The following OPCML variants were observed in gnomAD, a reference collection of about 807,000 sequenced individuals.
OPCML encodes the protein opioid binding protein/cell adhesion molecule like.
In OPCML, 13 loss-of-function variants were observed where a neutral mutation model predicts 37.8. The ratio of observed to expected loss-of-function variants is 0.34; its 90% confidence interval spans 0.22 to 0.55. The LOEUF is 0.55. Among genes scored for constraint, OPCML ranks in the 20% least tolerant of loss-of-function variants. OPCML has a pLI of 0.91. For missense variants in OPCML, 341 were observed against 435.6 expected, an observed-to-expected ratio of 0.78 and a Z score of 1.93; for synonymous variants, 176 against 168.8, an observed-to-expected ratio of 1.04 and a Z score of -0.33.
intron 1 of OPCML, among the ~76,000 whole-genome samples, chr11:132,981,819 GA>G (rs1458720451): frequency 6.6e-6 from 1 of 152,136 alleles, no homozygotes; most frequent in Non-Finnish European, 1.5e-5. Flanking sequence ...ACAGAATGAA[GA>G]AACAAATGGA....
At chr11:132,568,855 G>T (rs1367913014) in intron 3 of OPCML, among the ~76,000 whole-genome samples, 2 of 152,170 alleles carry the variant, frequency 1.3e-5, no homozygotes, top group Non-Finnish European at 2.9e-5. Flanking sequence ...TACAAAAATT[G>T]TATGTTCCTT....
rs182165576 is a variant in OPCML, at chr11:133,328,227, G to A, written c.61+204037C>T. Among the ~76,000 whole-genome samples, 508 of 148,802 alleles carry A rather than the reference G, an allele frequency of 3.4e-3. 4 individuals carry two copies. The highest frequency in any genetic ancestry group is 0.012 in the African/African-American group (487 of 40,060). On this transcript the variant is annotated intron_variant, in intron 1 of 7. Coordinates refer to ENST00000524381, the MANE Select transcript of OPCML (RefSeq NM_001012393.5). ...GGCTGGAGTGCAGTGACATGATCTC[G>A]GCTCACTGCAACCTCCGCCTTCCAA...
At chr11:133,230,319 G>A (rs1391382357) in intron 1 of OPCML, among the ~76,000 whole-genome samples, 2 of 152,206 alleles carry the variant, frequency 1.3e-5, no homozygotes, top group Non-Finnish European at 2.9e-5. Flanking sequence ...CAAATGCTAA[G>A]TGACAGCCTT....
intron 1 of OPCML, among the ~76,000 whole-genome samples, chr11:133,192,392 A>C (rs1938360681): frequency 6.6e-6 from 1 of 152,208 alleles, no homozygotes; most frequent in African/African-American, 2.4e-5. Flanking sequence ...CTGGAAGAGA[A>C]ACAGATCTAA....
At chr11:132,911,537 T>C (rs1484333018) in intron 2 of OPCML, among the ~76,000 whole-genome samples, 4 of 152,218 alleles carry the variant, frequency 2.6e-5, no homozygotes, top group African/African-American at 7.2e-5. Flanking sequence ...TGACATGTTA[T>C]GCGAAAGAAA....
At chr11:132,661,688 C>A (rs1213295685) in intron 2 of OPCML, among the ~76,000 whole-genome samples, 2 of 152,206 alleles carry the variant, frequency 1.3e-5, no homozygotes, top group Non-Finnish European at 2.9e-5. Flanking sequence ...TTCTTACATT[C>A]CAAGCTAACC....
intron 1 of OPCML, among the ~76,000 whole-genome samples, chr11:133,259,844 T>C (rs1032123051): frequency 6.6e-6 from 1 of 152,144 alleles, no homozygotes; most frequent in African/African-American, 2.4e-5. Context: ...TCAATAGATA[T>C]TTACTAAGCA....
intron 1 of OPCML, among the ~76,000 whole-genome samples, chr11:133,140,901 CGACGACGAAGAA>C (rs1949789177): frequency 3.3e-4 from 1 of 3,060 alleles, no homozygotes; most frequent in Non-Finnish European, 2.0e-3. Context: ...ACGAAGACGA[CGACGACGAAGAA>C]GAAGAAGACG....
chr11:133,209,450 G>A (rs1462450683), intron 1 of OPCML, among the ~76,000 whole-genome samples: 1 of 152,138 alleles, frequency 6.6e-6, no homozygotes, highest in Non-Finnish European at 1.5e-5. Flanking sequence ...TGTAGATATG[G>A]CACACCCATC....
chr11:132,827,435 T>C (rs1032457944), intron 2 of OPCML, among the ~76,000 whole-genome samples: 14 of 152,124 alleles, frequency 9.2e-5, no homozygotes, highest in African/African-American at 3.4e-4. Flanking sequence ...TATGGAACAA[T>C]AGGAACTCTC....
chr11:132,581,108 G>C (rs1263389157), intron 3 of OPCML, among the ~76,000 whole-genome samples: 1 of 152,134 alleles, frequency 6.6e-6, no homozygotes, highest in Non-Finnish European at 1.5e-5. Context: ...AAAGTAGCTA[G>C]AGGCAACCAA....
chr11:132,866,616 T>C (rs1413228707), intron 2 of OPCML, among the ~76,000 whole-genome samples: 1 of 152,252 alleles, frequency 6.6e-6, no homozygotes, highest in Non-Finnish European at 1.5e-5. Context: ...TTTTTCACTG[T>C]GGATGTTCCT....
intron 3 of OPCML, among the ~76,000 whole-genome samples, chr11:132,621,049 C>T (rs1268733857): frequency 6.6e-6 from 1 of 152,226 alleles, no homozygotes; most frequent in African/African-American, 2.4e-5. Flanking sequence ...ATGTAGGACA[C>T]GTGTGACACA....
chr11:133,076,819 C>T (rs1361184773), intron 1 of OPCML, among the ~76,000 whole-genome samples: 1 of 152,098 alleles, frequency 6.6e-6, no homozygotes, highest in Non-Finnish European at 1.5e-5. Context: ...ACCTCCTGAC[C>T]CCACTAGGAA....
intron 3 of OPCML, among the ~76,000 whole-genome samples, chr11:132,629,789 G>A (rs1331379033): frequency 6.6e-6 from 1 of 151,996 alleles, no homozygotes; most frequent in Non-Finnish European, 1.5e-5. Context: ...ATATTAACTA[G>A]AAACATGTCA....
At chr11:133,515,684 G>C (rs1948252974) in intron 1 of OPCML, among the ~76,000 whole-genome samples, 1 of 151,928 alleles carries the variant, frequency 6.6e-6, no homozygotes, top group African/African-American at 2.4e-5. Flanking sequence ...ATGGGCTTGG[G>C]GTGCATCAAG....
At position 132,610,554 on chromosome 11, in the gene OPCML, C is replaced by T. The variant is rs147130463; in HGVS notation, c.379+46533G>A. Among the ~76,000 whole-genome samples, 157 of 152,228 alleles carry T rather than the reference C, an allele frequency of 1.0e-3. 1 individual carries two copies. The highest frequency in any genetic ancestry group is 9.5e-3 in the South Asian group (46 of 4,822). On this transcript the variant is annotated intron_variant, in intron 3 of 7. Coordinates refer to ENST00000524381, the MANE Select transcript of OPCML (RefSeq NM_001012393.5). ...GAAGAGCACTGAGAGAAAATGAACT[C>T]GGTGAGAGCAACTTTTGCAATCGTT... is the stretch of plus-strand genomic sequence containing the variant.
chr11:132,416,097 GC>G lies in OPCML; in HGVS notation c.*4095del. The G allele has an allele frequency of 6.6e-6, 1 of 152,398 alleles. No individual in the cohort carries two copies. Among genetic ancestry groups the G allele is most frequent in the Non-Finnish European group, 1.5e-5 (1 of 68,034 alleles). The allele number at this position is 152,398 out of a possible 1,614,324, so 9.4% of individuals were successfully genotyped here. ...TGCAAAATGAAAACAAAAGATTCTT[GC>G]TGTTGGAGAAAAAGAAAATAAATGC... On this transcript the variant is annotated 3_prime_UTR_variant, in exon 8 of 8. Transcript: ENST00000524381.
At chr11:132,498,181 G>A (rs1351063658) in intron 4 of OPCML, among the ~76,000 whole-genome samples, 1 of 152,092 alleles carries the variant, frequency 6.6e-6, no homozygotes, top group Non-Finnish European at 1.5e-5. Flanking sequence ...AAGAAAAATG[G>A]TGGTAACATT....
Sources: allele counts gnomAD v4.1 joint callset (sites outside exome capture counted in the v4.1 genomes callset), GRCh38; gene constraint gnomAD v4.1.1; transcripts MANE v1.5; gene names NCBI Gene and HGNC (gene_info 2026-07-23, HGNC 2026-07-21).